The following BAZ2B variants were observed in gnomAD, a reference collection of about 807,000 sequenced individuals.
BAZ2B encodes the protein bromodomain adjacent to zinc finger domain 2B, also known as bromodomain adjacent to zinc finger domain protein 2B.
Under a neutral mutation model 246.0 loss-of-function variants are expected in BAZ2B, and 91 were observed. That is an observed-to-expected ratio of 0.37 (90% CI 0.31 to 0.44). The LOEUF (loss-of-function observed/expected upper bound fraction) is 0.44. BAZ2B is among the 20% of genes least tolerant of loss of function. The pLI, the probability that BAZ2B is intolerant of heterozygous loss-of-function variation, is 1.00. For synonymous variants in BAZ2B, 855 were observed against 860.0 expected (o/e 0.99, Z 0.10); for missense variants, 2,332 against 2,533.7 (o/e 0.92, Z 1.71).
chr2:159,593,904 C>T (rs1045076831), intron 1 of BAZ2B, among the ~76,000 whole-genome samples: 3 of 152,186 alleles, frequency 2.0e-5, no homozygotes, highest in African/African-American at 7.2e-5. Context: ...CAAGTACTAA[C>T]CAGGCCTGTC....
At chr2:159,685,618 C>T in the BAZ2B span, among the ~76,000 whole-genome samples, 1 of 151,686 alleles carries the variant, frequency 6.6e-6, no homozygotes, top group African/African-American at 2.4e-5. Flanking sequence ...AGGAATGGGG[C>T]CATGTTAAAG....
At chr2:159,519,950 C>T (rs1022531561) in intron 2 of BAZ2B, among the ~76,000 whole-genome samples, 1 of 151,470 alleles carries the variant, frequency 6.6e-6, no homozygotes, top group Non-Finnish European at 1.5e-5. Context: ...TATTTCTAAC[C>T]GTAGTAGATA....
At chr2:159,401,052 A>C (rs747144530) in intron 16 of BAZ2B, among the ~76,000 whole-genome samples, 4 of 152,184 alleles carry the variant, frequency 2.6e-5, no homozygotes, top group African/African-American at 9.7e-5. Flanking sequence ...CAAAATAAAA[A>C]AAAAAAAGTA....
At chr2:159,603,606 T>TA (rs961623990) in intron 1 of BAZ2B, among the ~76,000 whole-genome samples, 17 of 150,610 alleles carry the variant, frequency 1.1e-4, no homozygotes, top group African/African-American at 2.7e-4. Flanking sequence ...TTCACCCTGT[T>TA]AAAAAAAAAT....
At chr2:159,531,403 T>C (rs2085367907) in intron 2 of BAZ2B, among the ~76,000 whole-genome samples, 1 of 152,222 alleles carries the variant, frequency 6.6e-6, no homozygotes, top group Admixed American at 6.5e-5. Context: ...ATATTTCTGA[T>C]ACTAGAAATG....
At chr2:159,618,022 CTGA>C (rs942833044), upstream of BAZ2B, among the ~76,000 whole-genome samples, 3 of 152,146 alleles carry the variant, frequency 2.0e-5, no homozygotes, top group Non-Finnish European at 4.4e-5. Flanking sequence ...AATTAATGTG[CTGA>C]TATGTTTTTA....
chr2:159,432,166 C>T (rs936638935), intron 9 of BAZ2B, among the ~76,000 whole-genome samples: 5 of 151,872 alleles, frequency 3.3e-5, no homozygotes, highest in South Asian at 2.1e-4. Flanking sequence ...TTTGTATTCG[C>T]AATTTAAGCT....
chr2:159,414,580 G>T (rs2067343316), intron 13 of BAZ2B, among the ~76,000 whole-genome samples: 1 of 152,120 alleles, frequency 6.6e-6, no homozygotes, highest in Non-Finnish European at 1.5e-5. Context: ...ATGTTGGGAG[G>T]CTGAGGCGGG....
At chr2:159,390,296 T>C (rs747935627) in intron 20 of BAZ2B, among the ~76,000 whole-genome samples, 2 of 152,146 alleles carry the variant, frequency 1.3e-5, no homozygotes, top group Admixed American at 1.3e-4. Context: ...TACTTTTGAA[T>C]TCCAGACTCT....
chr2:159,466,409 A>G (rs2077054667), intron 3 of BAZ2B, among the ~76,000 whole-genome samples: 1 of 152,168 alleles, frequency 6.6e-6, no homozygotes, highest in African/African-American at 2.4e-5. Flanking sequence ...ATTATTATAT[A>G]TTTTGTGTCA....
At chr2:159,600,432 TA>T (rs898352695) in intron 1 of BAZ2B, among the ~76,000 whole-genome samples, 15 of 150,758 alleles carry the variant, frequency 9.9e-5, no homozygotes, top group Admixed American at 2.7e-4. Flanking sequence ...TTCCCACTGT[TA>T]AAAAAAAACG....
chr2:159,672,970 T>C, the BAZ2B span, among the ~76,000 whole-genome samples: 16 of 152,308 alleles, frequency 1.1e-4, no homozygotes, highest in African/African-American at 3.1e-4. Flanking sequence ...TTTATATATA[T>C]GACTCAAACT....
chr2:159,567,634 T>G (rs1682953953), intron 1 of BAZ2B, among the ~76,000 whole-genome samples: 1 of 152,098 alleles, frequency 6.6e-6, no homozygotes, highest in South Asian at 2.1e-4. Context: ...ATATCCAGAG[T>G]AGCAGTATTC....
At chr2:159,547,309 T>C (rs1287485751) in intron 2 of BAZ2B, among the ~76,000 whole-genome samples, 3 of 152,172 alleles carry the variant, frequency 2.0e-5, no homozygotes, top group African/African-American at 4.8e-5. Context: ...TTCAGGAATA[T>C]TTGTATTAGT....
intron 14 of BAZ2B, 199 bp downstream of exon 14, chr2:159,412,136 G>T: frequency 3.0e-6 from 1 of 338,756 alleles, no homozygotes; most frequent in Non-Finnish European, 4.2e-6. Flanking sequence ...ATGTGTTTAT[G>T]AGTAATGGTT....
intron 27 of BAZ2B, among the ~76,000 whole-genome samples, chr2:159,357,296 T>C (rs962770262): frequency 2.6e-5 from 4 of 151,852 alleles, no homozygotes; most frequent in Admixed American, 6.6e-5. Flanking sequence ...CTGATGGAGC[T>C]GAAAAACACA....
At chr2:159,545,818 T>C (rs909366525) in intron 2 of BAZ2B, among the ~76,000 whole-genome samples, 4 of 152,214 alleles carry the variant, frequency 2.6e-5, no homozygotes, top group Admixed American at 6.5e-5. Flanking sequence ...TTAACCTATG[T>C]ATAAACCCCT....
the BAZ2B span, among the ~76,000 whole-genome samples, chr2:159,692,829 C>T: frequency 1.3e-5 from 2 of 152,184 alleles, no homozygotes; most frequent in Admixed American, 1.3e-4. Context: ...CATTCTGTCA[C>T]CAAGGCTGTA....
chr2:159,543,561 G>C (rs1356711881), intron 2 of BAZ2B, among the ~76,000 whole-genome samples: 1 of 144,162 alleles, frequency 6.9e-6, no homozygotes, highest in Non-Finnish European at 1.5e-5. Flanking sequence ...TTTTGAGATG[G>C]AGTCTCGCTC....
Sources: gnomAD v4.1 joint callset for allele counts (sites outside exome capture counted in the v4.1 genomes callset) on GRCh38, gnomAD v4.1.1 for gene constraint, MANE v1.5 for transcripts, NCBI Gene and HGNC (gene_info 2026-07-23, HGNC 2026-07-21) for gene names.